Variants in SIK3 observed in about 807,000 individuals in gnomAD.
SIK3 encodes SIK family kinase 3.
Under a neutral mutation model 144.2 loss-of-function variants are expected in SIK3, and 28 were observed. The observed-to-expected ratio is 0.19, with a 90% CI of 0.14 to 0.27. The LOEUF is 0.27. Ranked by LOEUF, SIK3 falls within the 10% of genes least tolerant of loss-of-function variation. SIK3 has a pLI of 1.00. For missense variants in SIK3, 1,319 were observed against 1,776.0 expected (o/e 0.74, Z 4.62); for synonymous variants, 686 against 676.3 (o/e 1.01, Z -0.22).
intron 11 of SIK3, 69 bp from the exon 12 acceptor site, chr11:116,874,125 C>T (rs1944118967): frequency 6.8e-7 from 1 of 1,459,964 alleles, no homozygotes. Flanking sequence ...TATCCCAAAA[C>T]TGATGGCATT....
chr11:117,000,139 C>T (rs1039897478), intron 1 of SIK3, among the ~76,000 whole-genome samples: 2 of 152,144 alleles, frequency 1.3e-5, no homozygotes, highest in African/African-American at 2.4e-5. Flanking sequence ...TCACATTTAG[C>T]TCAAGGGCCT....
intron 1 of SIK3, among the ~76,000 whole-genome samples, chr11:116,991,324 G>T (rs951142279): frequency 2.6e-5 from 4 of 152,124 alleles, no homozygotes; most frequent in Non-Finnish European, 4.4e-5. Flanking sequence ...GCACACGCCC[G>T]TAATCTCACC....
chr11:116,853,168 A>G (rs991642698), intron 21 of SIK3, among the ~76,000 whole-genome samples: 1 of 152,224 alleles, frequency 6.6e-6, no homozygotes, highest in Non-Finnish European at 1.5e-5. Flanking sequence ...AGAGTCTTTA[A>G]TCAACTGTAA....
At chr11:116,918,847 T>C (rs956138154) in intron 4 of SIK3, among the ~76,000 whole-genome samples, 2 of 152,198 alleles carry the variant, frequency 1.3e-5, no homozygotes, top group Non-Finnish European at 2.9e-5. Context: ...GTCTCAGGAA[T>C]AGGATTCAAG....
At chr11:116,979,391 C>A (rs1950063148) in intron 1 of SIK3, among the ~76,000 whole-genome samples, 1 of 151,818 alleles carries the variant, frequency 6.6e-6, no homozygotes, top group African/African-American at 2.4e-5. Context: ...TTCTGGCTAA[C>A]AAACCTTTGT....
At chr11:117,098,082 G>A (rs7128071) in intron 1 of SIK3, 61 bp downstream of exon 1, 184,594 of 1,262,332 alleles carry the variant, frequency 0.15, 14,413 homozygotes, top group Admixed American at 0.24. Flanking sequence ...CCCGGCTGGG[G>A]GGCGCGGACC....
chr11:116,858,450 T>C lies in SIK3; in HGVS notation c.3015A>G (p.Pro1005=), dbSNP rs1290190231. ...LQQALLSPTP[P]DYTRHQQVPH... ...GTACCTGCTGGTGTCTTGTATAGTC[T>C]GGCGGCGTGGGAGACAGCAGGGCCT... Residue 1005 remains proline, a synonymous_variant, in exon 21 of 25, where the codon CCA becomes CCG. Transcript: ENST00000445177. This position sits in a 1 kb window ranked among gnomAD's most constrained non-coding sequence, Gnocchi z 5.4. 1 of 1,605,456 alleles carries C rather than the reference T, an allele frequency of 6.2e-7. No individual in the cohort carries two copies. The highest frequency in any genetic ancestry group is 8.5e-7 in the Non-Finnish European group (1 of 1,174,498).
At chr11:116,998,940 C>T (rs972887068) in intron 1 of SIK3, among the ~76,000 whole-genome samples, 1 of 152,114 alleles carries the variant, frequency 6.6e-6, no homozygotes, top group African/African-American at 2.4e-5. Context: ...TATAGTTAGA[C>T]AATTATTTTT....
In SIK3 at chr11:116,876,425, C is replaced by T; in HGVS notation, c.985-62G>A. The T allele has an allele frequency of 1.2e-5, 16 of 1,357,024 alleles. No homozygotes were observed. The Middle Eastern group carries it at 1.4e-3, about 121-fold the overall frequency. 84.1% of individuals were successfully genotyped at this position (1,357,024 alleles called of 1,614,324 possible). Reference sequence around the variant, plus strand: ...ATTAACCACATCAAATGTGGCACAGCATATATAATGACCAACCTGTTCCAT... The same window carrying T: ...ATTAACCACATCAAATGTGGCACAGTATATATAATGACCAACCTGTTCCAT... On this transcript the variant is annotated intron_variant, in intron 7 of 24. Transcript: ENST00000445177.
chr11:116,920,340 A>ACTTTCTTCTACCC (rs1946892929), intron 4 of SIK3, among the ~76,000 whole-genome samples: 1 of 151,760 alleles, frequency 6.6e-6, no homozygotes, highest in African/African-American at 2.4e-5. Flanking sequence ...GCCATGCTGG[A>ACTTTCTTCTACCC]CTTTCTTCTA....
intron 1 of SIK3, among the ~76,000 whole-genome samples, chr11:117,062,405 C>T (rs890389073): frequency 1.3e-5 from 2 of 152,134 alleles, no homozygotes; most frequent in Non-Finnish European, 2.9e-5. Context: ...TGGGCCACAA[C>T]GTGCATTTCC....
intron 1 of SIK3, among the ~76,000 whole-genome samples, chr11:117,016,726 T>C (rs1951558073): frequency 6.6e-6 from 1 of 152,208 alleles, no homozygotes. Flanking sequence ...CACTGCATAA[T>C]GTATATATCT....
At chr11:117,065,290 A>T (rs1028869330) in intron 1 of SIK3, among the ~76,000 whole-genome samples, 9 of 152,044 alleles carry the variant, frequency 5.9e-5, no homozygotes, top group Non-Finnish European at 1.0e-4. Flanking sequence ...ATTTTAAAAA[A>T]TGAAAGAACA....
At chr11:117,045,653 T>G (rs1311951656) in intron 1 of SIK3, among the ~76,000 whole-genome samples, 1 of 152,212 alleles carries the variant, frequency 6.6e-6, no homozygotes. Flanking sequence ...GGAAATTCTC[T>G]TTTTAAATAA....
Position 116,859,350 on chromosome 11 carries a change from G to A in SIK3, c.2680C>T (p.His894Tyr). ...AGGGTGGCCATCAGGTTGGTACGGT[G>A]CTGCATCTGCATCTGACCAGCACTG... ...SPSAGQMQMQHRTNLMATLSY... is the reference protein window; with the variant it reads ...SPSAGQMQMQYRTNLMATLSY... Residue 894 changes from histidine to tyrosine, a missense_variant, in exon 20 of 25, where the codon CAC (histidine) becomes TAC (tyrosine). By Grantham distance (83) the His-to-Tyr change is moderately conservative. Coordinates refer to ENST00000445177, the MANE Select transcript of SIK3 (RefSeq NM_001366686.3). 4 of 1,614,172 alleles carry A rather than the reference G, an allele frequency of 2.5e-6. No homozygotes were observed. Among genetic ancestry groups the A allele is most frequent in the Non-Finnish European group, 3.4e-6 (4 of 1,180,042 alleles).
chr11:116,907,105 G>C (rs1160732056), intron 4 of SIK3, among the ~76,000 whole-genome samples: 1 of 152,192 alleles, frequency 6.6e-6, no homozygotes, highest in Non-Finnish European at 1.5e-5. Context: ...CTTCTGTTGA[G>C]TGCTGCGCTA....
At chr11:117,025,445 A>G (rs1951967488) in intron 1 of SIK3, among the ~76,000 whole-genome samples, 1 of 151,884 alleles carries the variant, frequency 6.6e-6, no homozygotes, top group Admixed American at 6.6e-5. Context: ...ATCTATGCCC[A>G]ATACAATTTT....
At chr11:117,044,868 G>C (rs538608165) in intron 1 of SIK3, among the ~76,000 whole-genome samples, 1 of 152,234 alleles carries the variant, frequency 6.6e-6, no homozygotes, top group South Asian at 2.1e-4. Flanking sequence ...GGGCAACAGA[G>C]CAAGACCCCC....
chr11:116,990,545 A>AT (rs1950468480), intron 1 of SIK3, among the ~76,000 whole-genome samples: 1 of 152,202 alleles, frequency 6.6e-6, no homozygotes, highest in Non-Finnish European at 1.5e-5. Flanking sequence ...TTGAAAGTAA[A>AT]TTTTTTAAAA....
Sources: gnomAD v4.1 joint callset for allele counts (sites outside exome capture counted in the v4.1 genomes callset) on GRCh38, gnomAD v4.1.1 for gene constraint, Gnocchi (gnomAD v3.1) non-coding constraint, MANE v1.5 for transcripts, NCBI Gene and HGNC (gene_info 2026-07-23, HGNC 2026-07-21) for gene names.